The following TKT variants were observed in gnomAD, a reference collection of about 807,000 sequenced individuals.
The protein encoded by TKT is transketolase.
A neutral mutation model predicts 63.9 loss-of-function variants in TKT; 47 were observed. The ratio of observed to expected loss-of-function variants is 0.74; its 90% confidence interval spans 0.58 to 0.94. The LOEUF (loss-of-function observed/expected upper bound fraction) is 0.94, where lower values mean the gene tolerates loss of function less well. Ranked by LOEUF, TKT falls within the 40% of genes least tolerant of loss-of-function variation. The pLI, the probability that TKT is intolerant of heterozygous loss-of-function variation, is 0.00. For synonymous variants in TKT, 338 were observed against 334.1 expected (o/e 1.01, Z -0.13); for missense variants, 721 against 846.2 (o/e 0.85, Z 1.84).
chr3:53,244,524 T>G (rs1553680562), intron 1 of TKT, among the ~76,000 whole-genome samples: 1 of 152,128 alleles, frequency 6.6e-6, no homozygotes, highest in African/African-American at 2.4e-5. Context: ...CACCACCCAC[T>G]CCTGCTGGCC....
rs1553680074 is a variant in TKT at position 53,242,232 on chromosome 3, A to T, written c.118T>A (p.Ser40Thr). Residue 40 changes from serine to threonine, a missense_variant, in exon 2 of 14, where the codon TCA becomes ACA. Transcript: ENST00000462138. Reference sequence around the variant, plus strand: ...ATGATCTCTGCGGCGCTGCAGCATGACGTGGGGTGGCTGTGGCCCAGGAGA... The same window carrying T: ...ATGATCTCTGCGGCGCTGCAGCATGTCGTGGGGTGGCTGTGGCCCAGGAGA... ...TTAAGSGHPTSCCSAAEIMAV... is the reference protein window; with the variant it reads ...TTAAGSGHPTTCCSAAEIMAV... The T allele has an allele frequency of 6.2e-7, 1 of 1,613,964 alleles. No homozygotes were observed. The highest frequency in any genetic ancestry group is 8.5e-7 in the Non-Finnish European group (1 of 1,179,970).
At chr3:53,243,062 G>C (rs1435396870) in intron 1 of TKT, among the ~76,000 whole-genome samples, 2 of 152,132 alleles carry the variant, frequency 1.3e-5, no homozygotes, top group Admixed American at 6.5e-5. Flanking sequence ...TCTGCCTATG[G>C]ACAAGGGCTG....
At chr3:53,243,922 A>C (rs1416752532) in intron 1 of TKT, among the ~76,000 whole-genome samples, 2 of 152,344 alleles carry the variant, frequency 1.3e-5, no homozygotes, top group Admixed American at 6.5e-5. Context: ...AAGGACGGTA[A>C]GTGCAGGGCT....
intron 10 of TKT, 192 bp from the exon 11 acceptor site, chr3:53,228,551 C>A (rs1281141611): frequency 1.6e-6 from 1 of 614,754 alleles, no homozygotes; most frequent in South Asian, 1.9e-5. Context: ...AACTGCCCAC[C>A]ACCTTGCAGC....
chr3:53,232,726 G>C, intron 6 of TKT: 1 of 399,786 alleles, frequency 2.5e-6, no homozygotes. Flanking sequence ...TGCTTGAGGA[G>C]TACCCCACTC....
chr3:53,234,911 C>T lies in TKT; in HGVS notation c.629+72G>A, dbSNP rs372048799. On this transcript the variant is annotated intron_variant, in intron 5 of 13. Transcript: ENST00000462138. The stretch of plus-strand genomic sequence containing the variant: ...GTCCCAGCTTCAGCTCCTGCACCTG[C>T]ACCTGCAAAGCTGTGATCACAGACC... 9 of 1,462,196 alleles carry T rather than the reference C, an allele frequency of 6.2e-6. No homozygotes were observed. The African/African-American group carries it at 9.8e-5, about 16-fold the overall frequency. The allele number at this position is 1,462,196 out of a possible 1,614,324, so 90.6% of individuals were successfully genotyped here. A position where few individuals can be genotyped will look rare whatever the true frequency, so the allele number is the denominator to read the frequency against.
At chr3:53,229,532 A>G (rs2106665348) in intron 8 of TKT, 96 bp from the exon 9 acceptor site, 4 of 1,344,850 alleles carry the variant, frequency 3.0e-6, no homozygotes, top group Non-Finnish European at 4.1e-6. Context: ...CAATTTGTAT[A>G]TAGATTGTCC....
chr3:53,244,006 T>C (rs1292759591), intron 1 of TKT, among the ~76,000 whole-genome samples: 4 of 141,818 alleles, frequency 2.8e-5, no homozygotes, highest in Non-Finnish European at 5.9e-5. Context: ...CAGGGAGAAA[T>C]GGTGTGGCAC....
chr3:53,239,226 C>T (rs1393789128), intron 4 of TKT, among the ~76,000 whole-genome samples: 2 of 152,156 alleles, frequency 1.3e-5, no homozygotes, highest in Non-Finnish European at 2.9e-5. Flanking sequence ...TCCATTAGAC[C>T]TCTTTTTCTT....
intron 1 of TKT, among the ~76,000 whole-genome samples, chr3:53,245,088 G>A (rs1705448712): frequency 6.6e-6 from 1 of 151,758 alleles, no homozygotes; most frequent in South Asian, 2.1e-4. Flanking sequence ...CGGATCACCT[G>A]AGGTCAGGAG....
intron 12 of TKT, 45 bp downstream of exon 12, chr3:53,228,011 G>A: frequency 6.5e-7 from 1 of 1,537,922 alleles, no homozygotes; most frequent in Non-Finnish European, 9.0e-7. Flanking sequence ...GACCTAGCAT[G>A]CAGTGGCCGC....
chr3:53,251,738 C>T (rs1346869770), intron 1 of TKT, among the ~76,000 whole-genome samples: 2 of 152,128 alleles, frequency 1.3e-5, no homozygotes, highest in Non-Finnish European at 1.5e-5. Flanking sequence ...GAGGGTGAGG[C>T]AGGATTGCTA....
In TKT at chr3:53,229,365, G is replaced by A. The variant is rs1704642914; in HGVS notation, c.1179C>T (p.Phe393=). 6.2e-7 allele frequency: 1 copy of A among 1,613,504 alleles called. No homozygotes were observed. The highest frequency in any genetic ancestry group is 1.7e-5 in the Admixed American group (1 of 59,924). The change falls in exon 9 of 14, where the codon TTC becomes TTT. Residue 393 remains phenylalanine, a synonymous_variant. Coordinates refer to ENST00000462138, the MANE Select transcript of TKT (RefSeq NM_001064.4). ...VPFCSTFAAF[F]TRAFDQIRMA... ...TGCGAATCTGGTCAAAGGCCCGCGT[G>A]AAGAAGGCTGCAAAAGTGCTGCAGA...
intron 4 of TKT, among the ~76,000 whole-genome samples, chr3:53,238,863 C>G (rs560581323): frequency 3.5e-4 from 53 of 152,382 alleles, no homozygotes; most frequent in Non-Finnish European, 5.6e-4. Context: ...GAACCCAATA[C>G]AGCACATGAG....
At chr3:53,242,998 G>A (rs1471916087) in intron 1 of TKT, among the ~76,000 whole-genome samples, 1 of 152,086 alleles carries the variant, frequency 6.6e-6, no homozygotes, top group Non-Finnish European at 1.5e-5. Flanking sequence ...TTCAAAGCAA[G>A]ACACATAATC....
intron 3 of TKT, 80 bp downstream of exon 3, chr3:53,241,052 C>T: frequency 1.6e-6 from 2 of 1,267,324 alleles, no homozygotes; most frequent in African/African-American, 1.6e-5. Context: ...TCTCAGTGGG[C>T]ACCCCCTACC....
chr3:53,230,657 CTGAGGGT>C (rs782129450), intron 7 of TKT, 36 bp from the exon 8 acceptor site: 9 of 1,612,292 alleles, frequency 5.6e-6, no homozygotes, highest in Non-Finnish European at 7.6e-6. Flanking sequence ...CTGGACCCCT[CTGAGGGT>C]GAGTGCACAC....
In TKT at chr3:53,230,387, C is replaced by G; in HGVS notation, c.1107+70G>C. ...CAGGCACCTGGCTCTGCCAACATGG[C>G]TGCCCCGCACCCCTCAGACCACAGC... On this transcript the variant is annotated intron_variant, in intron 8 of 13. Transcript: ENST00000462138. 3 of 1,593,956 alleles carry G rather than the reference C, an allele frequency of 1.9e-6. No individual in the cohort carries two copies. The South Asian group carries it at 3.4e-5, about 18-fold the overall frequency.
chr3:53,231,053 G>A lies in TKT; in HGVS notation c.942+304C>T, dbSNP rs562570516. ...GTGGGGGTCCTGAGCTCAGGCCAAG[G>A]GTCCCTCGTGGACCAGCGATGCAAG... is the stretch of plus-strand genomic sequence containing the variant. On this transcript the variant is annotated intron_variant, in intron 7 of 13. Coordinates refer to ENST00000462138, the MANE Select transcript of TKT (RefSeq NM_001064.4). Among the ~76,000 whole-genome samples the A allele has an allele frequency of 3.3e-5, 5 of 152,286 alleles. No individual in the cohort carries two copies. In the South Asian group the frequency reaches 1.0e-3, roughly 32 times the overall value.
Sources: gnomAD v4.1 joint callset for allele counts (sites outside exome capture counted in the v4.1 genomes callset) on GRCh38, gnomAD v4.1.1 for gene constraint, MANE v1.5 for transcripts, NCBI Gene and HGNC (gene_info 2026-07-23, HGNC 2026-07-21) for gene names.